Variants in MAGI2 observed in about 807,000 individuals in gnomAD.
MAGI2 encodes membrane-associated guanylate kinase, WW and PDZ domain-containing protein 2.
In MAGI2, 35 loss-of-function variants were observed where a neutral mutation model predicts 133.3. That is an observed-to-expected ratio of 0.26 (90% CI 0.20 to 0.35). The LOEUF is 0.35. MAGI2 is among the 10% of genes least tolerant of loss of function. The pLI is 1.00. For synonymous variants in MAGI2, 729 were observed against 710.6 expected (o/e 1.03, Z -0.41); for missense variants, 1,636 against 1,863.4 (o/e 0.88, Z 2.25).
chr7:79,342,962 C>G (rs1841014761), intron 1 of MAGI2, among the ~76,000 whole-genome samples: 1 of 151,906 alleles, frequency 6.6e-6, no homozygotes, highest in Non-Finnish European at 1.5e-5. Flanking sequence ...GGGGGTTTCA[C>G]CATGTTAGCC....
intron 10 of MAGI2, among the ~76,000 whole-genome samples, chr7:78,211,540 G>A (rs1268921353): frequency 1.3e-5 from 2 of 152,196 alleles, no homozygotes; most frequent in African/African-American, 4.8e-5. Flanking sequence ...GTGGCTCACA[G>A]ATGCATGACT....
At chr7:79,155,842 G>A (rs1223636611) in intron 1 of MAGI2, among the ~76,000 whole-genome samples, 1 of 152,092 alleles carries the variant, frequency 6.6e-6, no homozygotes, top group Admixed American at 6.6e-5. Flanking sequence ...GTTGAAGACT[G>A]GGTCTTCATC....
At chr7:78,421,291 C>T (rs1363532815) in intron 6 of MAGI2, among the ~76,000 whole-genome samples, 2 of 152,158 alleles carry the variant, frequency 1.3e-5, no homozygotes, top group Non-Finnish European at 2.9e-5. Context: ...AACTCACTTA[C>T]TGGGGTAAAA....
chr7:78,965,724 G>C (rs1803254082), intron 2 of MAGI2, among the ~76,000 whole-genome samples: 1 of 152,022 alleles, frequency 6.6e-6, no homozygotes, highest in African/African-American at 2.4e-5. Flanking sequence ...ATCAAGTACT[G>C]CTACACATGT....
intron 1 of MAGI2, among the ~76,000 whole-genome samples, chr7:79,054,963 T>C (rs1813010020): frequency 2.0e-5 from 3 of 152,168 alleles, no homozygotes; most frequent in Admixed American, 2.0e-4. Context: ...GCTAATTTTT[T>C]TGCATTTTTA....
At chr7:78,114,120 C>T (rs1387665335) in intron 20 of MAGI2, among the ~76,000 whole-genome samples, 3 of 152,190 alleles carry the variant, frequency 2.0e-5, no homozygotes, top group African/African-American at 7.2e-5. Flanking sequence ...CAGGCTCCTG[C>T]TCTTTTTACT....
chr7:78,715,163 T>C (rs1451207177), intron 2 of MAGI2, among the ~76,000 whole-genome samples: 3 of 152,158 alleles, frequency 2.0e-5, no homozygotes, highest in African/African-American at 7.2e-5. Context: ...GCTTTATTCT[T>C]TAGAGATTGG....
intron 9 of MAGI2, among the ~76,000 whole-genome samples, chr7:78,287,596 A>G (rs1043543244): frequency 1.3e-5 from 2 of 152,176 alleles, no homozygotes; most frequent in Non-Finnish European, 2.9e-5. Flanking sequence ...TGAGTCATAA[A>G]GGAAATCTGT....
chr7:78,892,978 C>T (rs1796892487), intron 2 of MAGI2, among the ~76,000 whole-genome samples: 1 of 152,184 alleles, frequency 6.6e-6, no homozygotes, highest in East Asian at 1.9e-4. Flanking sequence ...ACAACCTACT[C>T]ATCTGACAGA....
chr7:78,070,174 C>CAT (rs57714371), intron 21 of MAGI2, among the ~76,000 whole-genome samples: 1,273 of 56,280 alleles, frequency 0.023, 7 homozygotes, highest in Middle Eastern at 0.043. Flanking sequence ...CACACACACA[C>CAT]ATATATATAT....
chr7:79,041,816 T>G (rs1283837836), intron 1 of MAGI2, among the ~76,000 whole-genome samples: 1 of 152,100 alleles, frequency 6.6e-6, no homozygotes, highest in Non-Finnish European at 1.5e-5. Context: ...ATAACAAAAC[T>G]AAAGCCTCAA....
chr7:78,632,577 C>T (rs1280832411), intron 2 of MAGI2, among the ~76,000 whole-genome samples: 1 of 152,210 alleles, frequency 6.6e-6, no homozygotes, highest in Non-Finnish European at 1.5e-5. Context: ...TCACATATTG[C>T]TTGGATTAGC....
chr7:79,386,803 G>C (rs1167224281), intron 1 of MAGI2, among the ~76,000 whole-genome samples: 1 of 151,924 alleles, frequency 6.6e-6, no homozygotes, highest in Admixed American at 6.6e-5. Context: ...AAGTAATAAA[G>C]GCTTTGCCCT....
chr7:78,792,530 A>T (rs1471227421), intron 2 of MAGI2, among the ~76,000 whole-genome samples: 2 of 152,212 alleles, frequency 1.3e-5, no homozygotes, highest in Admixed American at 1.3e-4. Flanking sequence ...TGAGAGGAGC[A>T]TATCCTACAC....
intron 1 of MAGI2, among the ~76,000 whole-genome samples, chr7:79,297,258 AT>A (rs1837009598): frequency 6.6e-6 from 1 of 152,350 alleles, no homozygotes; most frequent in South Asian, 2.1e-4. Context: ...AATTTTTCAA[AT>A]TGATAAACTA....
At chr7:78,783,969 G>A (rs1329713252) in intron 2 of MAGI2, among the ~76,000 whole-genome samples, 1 of 152,148 alleles carries the variant, frequency 6.6e-6, no homozygotes, top group Non-Finnish European at 1.5e-5. Flanking sequence ...CTTTGACTGA[G>A]TCTGGGATAT....
intron 1 of MAGI2, among the ~76,000 whole-genome samples, chr7:79,314,129 A>G (rs1838520115): frequency 6.6e-6 from 1 of 152,180 alleles, no homozygotes; most frequent in African/African-American, 2.4e-5. Flanking sequence ...GCCCACCACC[A>G]TGCCCAGCTA....
At chr7:78,545,849 C>T (rs1798787166) in intron 3 of MAGI2, among the ~76,000 whole-genome samples, 1 of 152,064 alleles carries the variant, frequency 6.6e-6, no homozygotes, top group Non-Finnish European at 1.5e-5. Flanking sequence ...TGTTTATAAT[C>T]CCTACCTTTC....
chr7:79,193,555 C>A (rs1374528897), intron 1 of MAGI2, among the ~76,000 whole-genome samples: 1 of 151,782 alleles, frequency 6.6e-6, no homozygotes, highest in Non-Finnish European at 1.5e-5. Context: ...TTAAAACTGG[C>A]ATTGCACAAT....
Sources: gnomAD v4.1 joint callset for allele counts (sites outside exome capture counted in the v4.1 genomes callset) on GRCh38, gnomAD v4.1.1 for gene constraint, MANE v1.5 for transcripts, NCBI Gene and HGNC (gene_info 2026-07-23, HGNC 2026-07-21) for gene names.